Variants in UBE3C observed in about 807,000 individuals in gnomAD.
UBE3C encodes the protein ubiquitin protein ligase E3C.
UBE3C carries 42 observed loss-of-function variants against 129.4 expected under a neutral mutation model. That is an observed-to-expected ratio of 0.32 (90% CI 0.25 to 0.42). UBE3C has a LOEUF of 0.42. Among genes scored for constraint, UBE3C ranks in the 10% least tolerant of loss-of-function variants. The pLI, the probability that UBE3C is intolerant of heterozygous loss-of-function variation, is 1.00. For synonymous variants in UBE3C, 510 were observed against 492.4 expected (o/e 1.04, Z -0.47); for missense variants, 1,049 against 1,319.1 (o/e 0.80, Z 3.17).
chr7:157,171,457 C>T (rs139793291), intron 4 of UBE3C, among the ~76,000 whole-genome samples: 1 of 151,510 alleles, frequency 6.6e-6, no homozygotes, highest in Non-Finnish European at 1.5e-5. Flanking sequence ...AAAAAAATCC[C>T]AAATGTAATC....
rs75383598 is a variant in UBE3C at position 157,268,045 on chromosome 7, A to G, written c.*290A>G. On this transcript the variant is annotated 3_prime_UTR_variant, in exon 23 of 23. Transcript: ENST00000348165. Reference sequence around the variant, plus strand: ...ACAGTTTTTACACTAGTGGCATCTCAGTGAAATTAACCAAAGATGAAGCTT... The same window carrying G: ...ACAGTTTTTACACTAGTGGCATCTCGGTGAAATTAACCAAAGATGAAGCTT... 95 of 239,014 alleles carry G rather than the reference A, an allele frequency of 4.0e-4. No individual in the cohort carries two copies. Among genetic ancestry groups the G allele is most frequent in the African/African-American group, 2.1e-3 (92 of 43,678 alleles). 14.8% of individuals were successfully genotyped at this position (239,014 alleles called of 1,614,324 possible).
chr7:157,181,549 C>T lies in UBE3C; in HGVS notation c.648C>T (p.Asn216=), dbSNP rs1319062543. The change falls in exon 7 of 23, where the codon AAC becomes AAT. Residue 216 remains asparagine (N), a synonymous_variant. Coordinates refer to ENST00000348165, the MANE Select transcript of UBE3C (RefSeq NM_014671.3). ...GYYRSLYLLI[N]SKLPSSIEYS... The stretch of plus-strand genomic sequence containing the variant: ...ATAGGTCTCTATATTTGTTGATTAA[C>T]AGCAAGCTTCCATCAAGTATTGAAT... 1 of 1,611,322 alleles carries T rather than the reference C, an allele frequency of 6.2e-7. No individual in the cohort carries two copies. Among genetic ancestry groups the T allele is most frequent in the Non-Finnish European group, 8.5e-7 (1 of 1,179,278 alleles).
intron 1 of UBE3C, among the ~76,000 whole-genome samples, chr7:157,144,689 T>A (rs1440142809): frequency 7.2e-6 from 1 of 139,840 alleles, no homozygotes; most frequent in African/African-American, 2.6e-5. Context: ...AGTGCTTTTT[T>A]TAAAAAAAAA....
At chr7:157,148,884 G>A (rs889953003) in intron 1 of UBE3C, among the ~76,000 whole-genome samples, 1 of 151,840 alleles carries the variant, frequency 6.6e-6, no homozygotes, top group African/African-American at 2.4e-5. Context: ...TGAGGAGCTG[G>A]AACTCCAGGC....
chr7:157,205,329 C>T (rs1269152197), intron 11 of UBE3C, among the ~76,000 whole-genome samples: 1 of 152,110 alleles, frequency 6.6e-6, no homozygotes. Context: ...TGGTTAATTA[C>T]CCTGTCCCTT....
intron 2 of UBE3C, chr7:157,164,677 A>G: frequency 2.9e-6 from 1 of 343,354 alleles, no homozygotes; most frequent in South Asian, 2.2e-5. Flanking sequence ...TTGTTTTGTT[A>G]TTTTAACAAT....
intron 1 of UBE3C, among the ~76,000 whole-genome samples, 187 bp downstream of exon 1, chr7:157,139,525 T>TTGGAATCGGAGCCGAGACTTGGGGC (rs1266106564): frequency 1.3e-5 from 2 of 150,358 alleles, no homozygotes; most frequent in East Asian, 2.0e-4. Flanking sequence ...GGACTCGGGG[T>TTGGAATCGGAGCCGAGACTTGGGGC]TGGACTCGGA....
At chr7:157,195,917 G>A (rs1285035449) in intron 10 of UBE3C, among the ~76,000 whole-genome samples, 1 of 152,142 alleles carries the variant, frequency 6.6e-6, no homozygotes, top group Non-Finnish European at 1.5e-5. Context: ...AATGTTCCAT[G>A]TAAAACGTTA....
At chr7:157,192,277 G>A (rs187949482) in intron 10 of UBE3C, 16 of 390,282 alleles carry the variant, frequency 4.1e-5, no homozygotes, top group Admixed American at 2.5e-4. Context: ...TCCCTACCAC[G>A]TTTTTAAAGT....
intron 11 of UBE3C, 108 bp from the exon 12 acceptor site, chr7:157,207,290 A>G: frequency 5.5e-6 from 8 of 1,455,376 alleles, no homozygotes; most frequent in Middle Eastern, 1.9e-4. Context: ...TCCTAATGCA[A>G]ATGTTACTTT....
chr7:157,223,162 G>T, intron 15 of UBE3C, 92 bp from the exon 16 acceptor site: 1 of 1,320,396 alleles, frequency 7.6e-7, no homozygotes, highest in Non-Finnish European at 1.1e-6. Context: ...AGTTAATCAG[G>T]ATGATTTCAA....
intron 9 of UBE3C, among the ~76,000 whole-genome samples, chr7:157,186,566 GT>G (rs557766746): frequency 6.6e-6 from 1 of 151,962 alleles, no homozygotes; most frequent in Non-Finnish European, 1.5e-5. Context: ...AGGAAATGAA[GT>G]TTTTTTGAAA....
At chr7:157,178,130 T>G (rs1195838594) in intron 5 of UBE3C, among the ~76,000 whole-genome samples, 1 of 152,054 alleles carries the variant, frequency 6.6e-6, no homozygotes, top group Admixed American at 6.5e-5. Context: ...GTGTCTTGAT[T>G]GGTGCGGCCT....
intron 1 of UBE3C, among the ~76,000 whole-genome samples, chr7:157,140,428 T>C (rs1399717720): frequency 6.6e-6 from 1 of 152,194 alleles, no homozygotes; most frequent in African/African-American, 2.4e-5. Flanking sequence ...GTTCGTGTGA[T>C]GGTGATTGCT....
At chr7:157,186,285 G>A (rs1028952734) in intron 9 of UBE3C, among the ~76,000 whole-genome samples, 1 of 152,152 alleles carries the variant, frequency 6.6e-6, no homozygotes, top group African/African-American at 2.4e-5. Context: ...TTAGCTGGGT[G>A]TGGAGGCGGG....
intron 6 of UBE3C, among the ~76,000 whole-genome samples, chr7:157,179,744 C>G (rs907804310): frequency 6.6e-6 from 1 of 152,198 alleles, no homozygotes; most frequent in African/African-American, 2.4e-5. Context: ...TGGGTTACAT[C>G]TAACGGACTT....
chr7:157,245,714 G>A (rs1174093546), intron 18 of UBE3C, among the ~76,000 whole-genome samples: 1 of 152,140 alleles, frequency 6.6e-6, no homozygotes, highest in African/African-American at 2.4e-5. Context: ...TTCCTGGAGG[G>A]GATGTTATGC....
intron 18 of UBE3C, among the ~76,000 whole-genome samples, chr7:157,233,215 A>G (rs1404487820): frequency 2.6e-5 from 4 of 152,018 alleles, no homozygotes; most frequent in Non-Finnish European, 5.9e-5. Context: ...GGTTTCATTC[A>G]TGTCGTAGTA....
At chr7:157,182,432 C>G (rs1808690975) in intron 8 of UBE3C, 104 bp downstream of exon 8, 1 of 1,196,034 alleles carries the variant, frequency 8.4e-7, no homozygotes, top group Non-Finnish European at 1.2e-6. Flanking sequence ...AAAGGTGGGC[C>G]TCTCCTGGAG....
Sources: allele counts gnomAD v4.1 joint callset (sites outside exome capture counted in the v4.1 genomes callset), GRCh38; gene constraint gnomAD v4.1.1; transcripts MANE v1.5; gene names NCBI Gene and HGNC (gene_info 2026-07-23, HGNC 2026-07-21).